CDH10: variants seen among roughly 807,000 people sequenced by gnomAD.
CDH10 encodes the protein cadherin 10.
A neutral mutation model predicts 73.1 loss-of-function variants in CDH10; 30 were observed. The observed-to-expected ratio is 0.41, with a 90% confidence interval of 0.31 to 0.56. CDH10 has a LOEUF of 0.56. Among genes scored for constraint, CDH10 ranks in the 20% least tolerant of loss-of-function variants. CDH10 has a pLI of 0.27. For synonymous variants in CDH10, 345 were observed against 348.2 expected (o/e 0.99, Z 0.10); for missense variants, 815 against 973.7 (o/e 0.84, Z 2.17).
intron 1 of CDH10, among the ~76,000 whole-genome samples, chr5:24,621,390 G>A (rs530681742): frequency 2.0e-5 from 3 of 152,158 alleles, no homozygotes; most frequent in African/African-American, 4.8e-5. Context: ...TAAAAAGCTC[G>A]CTTCCATTTT....
Position 24,505,234 on chromosome 5 carries a change from C to A in CDH10, c.1271G>T (p.Arg424Leu), listed in dbSNP as rs770143615. The A allele has an allele frequency of 6.2e-7, 1 of 1,612,308 alleles. No individual in the cohort carries two copies. ...AAAGATTCTGTCAAGGTCAGTATGGCGATCCAAGGAAAATCTGAACATGGA... is the reference window on the plus strand; with the variant it reads ...AAAGATTCTGTCAAGGTCAGTATGGAGATCCAAGGAAAATCTGAACATGGA... ...ISSPIRFSLD[R>L]HTDLDRIFNI... Residue 424 changes from arginine (R) to leucine (L), a missense_variant, in exon 8 of 12, where the codon CGC (arginine) becomes CTC (leucine). Arg to Leu is a moderately radical substitution (Grantham distance 102). Around this residue, in one of 3 missense-constraint regions of CDH10, gnomAD observed 516 missense variants for 636.6 expected, o/e 0.81. Transcript: ENST00000264463.
At chr5:24,508,640 T>A (rs1742783318) in intron 7 of CDH10, among the ~76,000 whole-genome samples, 1 of 147,896 alleles carries the variant, frequency 6.8e-6, no homozygotes, top group Non-Finnish European at 1.5e-5. Flanking sequence ...TGTCTTAACC[T>A]CCTGAGTAGA....
chr5:24,636,897 G>A (rs1377481795), intron 1 of CDH10, among the ~76,000 whole-genome samples: 1 of 151,808 alleles, frequency 6.6e-6, no homozygotes, highest in African/African-American at 2.4e-5. Flanking sequence ...CTGCTCCTAA[G>A]GGAAGCACCA....
intron 1 of CDH10, among the ~76,000 whole-genome samples, chr5:24,642,768 C>T (rs1255221690): frequency 2.0e-5 from 3 of 152,054 alleles, no homozygotes; most frequent in Non-Finnish European, 4.4e-5. Context: ...AGTTTACCTT[C>T]TTTTTTCCCA....
At chr5:24,489,042 C>T (rs1373736936) in intron 11 of CDH10, among the ~76,000 whole-genome samples, 2 of 151,864 alleles carry the variant, frequency 1.3e-5, no homozygotes, top group East Asian at 3.9e-4. Flanking sequence ...AGTTTCTCAC[C>T]CTTACTCATT....
At chr5:24,566,251 T>C (rs1745161255) in intron 2 of CDH10, among the ~76,000 whole-genome samples, 1 of 152,146 alleles carries the variant, frequency 6.6e-6, no homozygotes. Context: ...TTTCACCATG[T>C]TGGCCAGGCT....
At chr5:24,607,422 G>A (rs543702815) in intron 1 of CDH10, among the ~76,000 whole-genome samples, 16 of 152,196 alleles carry the variant, frequency 1.1e-4, no homozygotes, top group South Asian at 1.0e-3. Context: ...TAACAGAGTC[G>A]CATTATTTAT....
chr5:24,574,158 T>A (rs536049194), intron 2 of CDH10, among the ~76,000 whole-genome samples: 1 of 152,044 alleles, frequency 6.6e-6, no homozygotes, highest in Admixed American at 6.6e-5. Context: ...ATTGCTGGGA[T>A]TACAGGCGTG....
chr5:24,589,282 T>A (rs971211995), intron 2 of CDH10, among the ~76,000 whole-genome samples: 4 of 152,038 alleles, frequency 2.6e-5, no homozygotes, highest in Non-Finnish European at 5.9e-5. Context: ...GGTCAGGAGA[T>A]CTTGTTAGAA....
intron 1 of CDH10, among the ~76,000 whole-genome samples, chr5:24,616,588 C>T (rs1012671259): frequency 6.6e-6 from 1 of 151,618 alleles, no homozygotes; most frequent in Non-Finnish European, 1.5e-5. Flanking sequence ...CTCATACTTT[C>T]TATATTTAAA....
intron 2 of CDH10, among the ~76,000 whole-genome samples, chr5:24,558,325 C>G (rs1034230922): frequency 1.3e-5 from 2 of 151,520 alleles, no homozygotes; most frequent in African/African-American, 4.8e-5. Flanking sequence ...AAACTATGAC[C>G]AGGATTCTGA....
intron 2 of CDH10, among the ~76,000 whole-genome samples, chr5:24,548,143 T>C (rs1336892634): frequency 1.3e-5 from 2 of 151,886 alleles, no homozygotes; most frequent in Admixed American, 6.6e-5. Context: ...CTTTTTTTTT[T>C]CTGAGACTGA....
chr5:24,519,742 T>C (rs917795701), intron 5 of CDH10, among the ~76,000 whole-genome samples: 60 of 152,236 alleles, frequency 3.9e-4, no homozygotes, highest in Non-Finnish European at 8.8e-5. Context: ...TTATGTAGAA[T>C]TGATGGATGT....
intron 1 of CDH10, among the ~76,000 whole-genome samples, chr5:24,604,898 A>AAAAAAAAAAAAAAAAAAAAAAAC (rs1746703525): frequency 6.8e-6 from 1 of 147,498 alleles, no homozygotes; most frequent in African/African-American, 2.6e-5. Flanking sequence ...AAAAAAAACA[A>AAAAAAAAAAAAAAAAAAAAAAAC]AAACAAACAA....
intron 2 of CDH10, among the ~76,000 whole-genome samples, chr5:24,587,342 ATTTAC>A (rs1746058364): frequency 6.6e-6 from 1 of 152,138 alleles, no homozygotes; most frequent in Non-Finnish European, 1.5e-5. Flanking sequence ...CCTCTCTTTC[ATTTAC>A]TTTATAGAAA....
intron 6 of CDH10, 25 bp downstream of exon 6, chr5:24,511,302 G>C (rs1486029356): frequency 1.4e-6 from 2 of 1,463,620 alleles, no homozygotes; most frequent in Non-Finnish European, 9.5e-7. Context: ...ACACACAGAT[G>C]CTTATTTATA....
intron 2 of CDH10, among the ~76,000 whole-genome samples, chr5:24,579,211 C>A (rs1048407914): frequency 1.3e-5 from 2 of 151,960 alleles, no homozygotes; most frequent in African/African-American, 4.8e-5. Flanking sequence ...CCTTAAGATA[C>A]TTTATAATTA....
intron 1 of CDH10, among the ~76,000 whole-genome samples, chr5:24,600,734 G>T (rs1178692553): frequency 6.6e-6 from 1 of 152,140 alleles, no homozygotes. Context: ...ATGGGTCATA[G>T]GTATGTAATG....
At chr5:24,632,005 T>C (rs1747719823) in intron 1 of CDH10, among the ~76,000 whole-genome samples, 1 of 152,002 alleles carries the variant, frequency 6.6e-6, no homozygotes, top group African/African-American at 2.4e-5. Flanking sequence ...TAGTGGAAAA[T>C]GAAAAGCAGT....
Sources: allele counts gnomAD v4.1 joint callset (sites outside exome capture counted in the v4.1 genomes callset), GRCh38; gene constraint gnomAD v4.1.1; regional missense constraint gnomAD v4.1.1; transcripts MANE v1.5; gene names NCBI Gene and HGNC (gene_info 2026-07-23, HGNC 2026-07-21).